FSTL5: variants seen among roughly 807,000 people sequenced by gnomAD.
The protein encoded by FSTL5 is follistatin-related protein 5.
FSTL5 carries 62 observed loss-of-function variants against 89.1 expected under a neutral mutation model. The observed-to-expected ratio is 0.70, with a 90% CI of 0.57 to 0.86. The LOEUF is 0.86. FSTL5 is among the 40% of genes least tolerant of loss of function. The probability of loss-of-function intolerance (pLI) is 0.00; values close to 1 mark genes in which losing one functional copy is unlikely to be tolerated. For missense variants in FSTL5, 1,057 were observed against 1,001.6 expected (o/e 1.06, Z -0.75); for synonymous variants, 383 against 346.2 (o/e 1.11, Z -1.18).
chr4:161,854,611 A>T (rs966239448), intron 4 of FSTL5, among the ~76,000 whole-genome samples: 9 of 152,214 alleles, frequency 5.9e-5, no homozygotes, highest in Non-Finnish European at 1.0e-4. Flanking sequence ...TAGATTCTTT[A>T]GTCAGAGAGT....
chr4:161,909,220 C>A (rs1733622627), intron 4 of FSTL5, among the ~76,000 whole-genome samples: 1 of 152,084 alleles, frequency 6.6e-6, no homozygotes, highest in Non-Finnish European at 1.5e-5. Context: ...GGCTGAAGAT[C>A]CCCACCAGGA....
At chr4:162,119,993 T>G (rs1157485115) in intron 1 of FSTL5, among the ~76,000 whole-genome samples, 2 of 152,140 alleles carry the variant, frequency 1.3e-5, no homozygotes, top group Non-Finnish European at 2.9e-5. Flanking sequence ...AAGAATATAA[T>G]TTTAAGTAAT....
Position 161,753,990 on chromosome 4 carries a change from C to T in FSTL5, c.727+5421G>A, listed in dbSNP as rs184624631. Among the ~76,000 whole-genome samples the T allele has an allele frequency of 7.8e-3, 1,036 of 133,462 alleles. 21 individuals are homozygous for T. Among genetic ancestry groups the T allele is most frequent in the South Asian group, 0.045 (193 of 4,276 alleles). 87.6% of individuals were successfully genotyped at this position (133,462 alleles called of 152,430 possible). A position where few individuals can be genotyped will look rare whatever the true frequency, so the allele number is the denominator to read the frequency against. The stretch of plus-strand genomic sequence containing the variant: ...CCGGGAGGCGGAGCTTGCAGTGAGC[C>T]GAGATCGCGCCACTGCACTCCAGCC... On this transcript the variant is annotated intron_variant, in intron 6 of 15. Coordinates refer to ENST00000306100, the MANE Select transcript of FSTL5 (RefSeq NM_020116.5).
At chr4:161,936,323 C>T (rs1316202315) in intron 3 of FSTL5, among the ~76,000 whole-genome samples, 1 of 152,044 alleles carries the variant, frequency 6.6e-6, no homozygotes, top group Admixed American at 6.6e-5. Context: ...ATATGTTTTC[C>T]TCTTAAGTGA....
At chr4:162,047,081 GA>G (rs1390619025) in intron 2 of FSTL5, among the ~76,000 whole-genome samples, 3 of 151,960 alleles carry the variant, frequency 2.0e-5, no homozygotes, top group Admixed American at 6.6e-5. Flanking sequence ...CTTATTTCCA[GA>G]TACCCCCAGG....
At chr4:161,895,163 C>G (rs1440602) in intron 4 of FSTL5, among the ~76,000 whole-genome samples, 126,814 of 152,088 alleles carry the variant, frequency 0.83, 53,503 homozygotes, top group Non-Finnish European at 0.9. Context: ...AACACAATAA[C>G]CAGATTTAAA....
Position 162,067,887 on chromosome 4 carries a change from C to T in FSTL5, c.127-34229G>A, listed in dbSNP as rs368063899. 1.1e-4 allele frequency among the ~76,000 whole-genome samples: 16 copies of T among 152,068 alleles called. No individual in the cohort carries two copies. The South Asian group carries it at 3.1e-3, about 30-fold the overall frequency. On this transcript the variant is annotated intron_variant, in intron 2 of 15. Transcript: ENST00000306100. Reference sequence around the variant, plus strand: ...AAAATCAATGTGGGAAAATTGCAAGCATTCCTATACACCAACAATAGACAA... The same window carrying T: ...AAAATCAATGTGGGAAAATTGCAAGTATTCCTATACACCAACAATAGACAA...
intron 3 of FSTL5, among the ~76,000 whole-genome samples, chr4:162,001,441 C>T (rs1371627043): frequency 6.6e-6 from 1 of 152,150 alleles, no homozygotes. Flanking sequence ...ACAACTTAAT[C>T]ACTTTCTGGC....
intron 7 of FSTL5, among the ~76,000 whole-genome samples, chr4:161,653,099 G>A (rs1371664862): frequency 2.0e-5 from 3 of 152,054 alleles, no homozygotes; most frequent in Non-Finnish European, 4.4e-5. Context: ...ATTCTTAGTG[G>A]CAGACAACAG....
chr4:161,829,818 T>A (rs1360442518), intron 4 of FSTL5, among the ~76,000 whole-genome samples: 1 of 152,086 alleles, frequency 6.6e-6, no homozygotes, highest in Admixed American at 6.6e-5. Context: ...TGTCTTCAAA[T>A]CACAGAGCCA....
chr4:161,509,274 G>A (rs956746726), intron 11 of FSTL5, among the ~76,000 whole-genome samples: 4 of 152,174 alleles, frequency 2.6e-5, no homozygotes, highest in African/African-American at 9.6e-5. Context: ...TTGAACTCCA[G>A]CCTGGGCAAC....
At chr4:161,840,406 C>T (rs903776904) in intron 4 of FSTL5, among the ~76,000 whole-genome samples, 4 of 151,948 alleles carry the variant, frequency 2.6e-5, no homozygotes, top group Non-Finnish European at 4.4e-5. Flanking sequence ...CTAAAACAAC[C>T]GTTATACTCT....
intron 4 of FSTL5, among the ~76,000 whole-genome samples, chr4:161,842,081 C>A (rs146394809): frequency 6.6e-6 from 1 of 152,040 alleles, no homozygotes; most frequent in East Asian, 1.9e-4. Context: ...ATCGCATAAT[C>A]AAAAACAGGT....
chr4:161,678,522 A>C (rs753411889), intron 6 of FSTL5, among the ~76,000 whole-genome samples: 1 of 151,936 alleles, frequency 6.6e-6, no homozygotes, highest in African/African-American at 2.4e-5. Flanking sequence ...TACAATTAAA[A>C]GAGTCAAGTT....
chr4:161,620,519 G>A (rs7654025), intron 7 of FSTL5, among the ~76,000 whole-genome samples: 26,802 of 151,902 alleles, frequency 0.18, 2,693 homozygotes, highest in East Asian at 0.35. Flanking sequence ...AGCCGGGCGC[G>A]GTGGCAGGCG....
Position 161,385,740 on chromosome 4 carries a change from A to T in FSTL5, c.*7T>A. The stretch of plus-strand genomic sequence containing the variant: ...ACGCTTCATTCAATAATTGTATCGT[A>T]GGGTTTTTAGGCATCTCCAACCCAA... On this transcript the variant is annotated 3_prime_UTR_variant, in exon 16 of 16. Transcript: ENST00000306100. 6.5e-7 allele frequency: 1 copy of T among 1,533,694 alleles called. No individual in the cohort carries two copies. Among genetic ancestry groups the T allele is most frequent in the Non-Finnish European group, 8.8e-7 (1 of 1,130,016 alleles).
chr4:161,737,059 A>T (rs1739844162), intron 6 of FSTL5, among the ~76,000 whole-genome samples: 1 of 152,116 alleles, frequency 6.6e-6, no homozygotes, highest in African/African-American at 2.4e-5. Flanking sequence ...CAGTTAGAAA[A>T]CAGGAAGAGC....
At chr4:161,980,175 AAG>A (rs574509705) in intron 3 of FSTL5, among the ~76,000 whole-genome samples, 29 of 151,442 alleles carry the variant, frequency 1.9e-4, no homozygotes, top group East Asian at 3.9e-4. Context: ...AAGAAAAAGA[AAG>A]AGAGGAGGAG....
Position 162,135,657 on chromosome 4 carries a change from T to C in FSTL5, c.-16-24245A>G, listed in dbSNP as rs1343739096. 4.6e-5 allele frequency among the ~76,000 whole-genome samples: 7 copies of C among 152,140 alleles called. No individual in the cohort carries two copies. In the East Asian group the frequency reaches 1.3e-3, roughly 29 times the overall value. On this transcript the variant is annotated intron_variant, in intron 1 of 15. Coordinates refer to ENST00000306100, the MANE Select transcript of FSTL5 (RefSeq NM_020116.5). ...CTCATCTGCCTTGGCTTTTCCCAAA[T>C]ATTTGGGTATAAGGTATTTTAAGCT...
Sources: allele counts gnomAD v4.1 joint callset (sites outside exome capture counted in the v4.1 genomes callset), GRCh38; gene constraint gnomAD v4.1.1; transcripts MANE v1.5; gene names NCBI Gene and HGNC (gene_info 2026-07-23, HGNC 2026-07-21).